SIK3: variants seen among roughly 807,000 people sequenced by gnomAD.
SIK3 encodes SIK family kinase 3, also known as serine/threonine-protein kinase SIK3.
SIK3 carries 28 observed loss-of-function variants against 144.2 expected under a neutral mutation model. The ratio of observed to expected loss-of-function variants is 0.19; its 90% CI spans 0.14 to 0.27. SIK3 has a LOEUF of 0.27. Among genes scored for constraint, SIK3 ranks in the 10% least tolerant of loss-of-function variants. The probability of loss-of-function intolerance (pLI) is 1.00; values close to 1 mark genes in which losing one functional copy is unlikely to be tolerated. For synonymous variants in SIK3, 686 were observed against 676.3 expected, an observed-to-expected ratio of 1.01 and a Z score of -0.22; for missense variants, 1,319 against 1,776.0, an observed-to-expected ratio of 0.74 and a Z score of 4.62.
chr11:117,064,656 T>C, intron 1 of SIK3, among the ~76,000 whole-genome samples: 1 of 152,220 alleles, frequency 6.6e-6, no homozygotes. Flanking sequence ...ACGGCTGCTT[T>C]TTAAAAAGGC....
chr11:117,058,439 GA>G (rs1382616250), intron 1 of SIK3, among the ~76,000 whole-genome samples: 3 of 149,992 alleles, frequency 2.0e-5, no homozygotes, highest in African/African-American at 7.4e-5. Flanking sequence ...AGAATCGCTT[GA>G]ACCCAGGAGG....
At chr11:116,949,531 T>C (rs924619640) in intron 3 of SIK3, among the ~76,000 whole-genome samples, 2 of 152,234 alleles carry the variant, frequency 1.3e-5, no homozygotes, top group Admixed American at 6.5e-5. Flanking sequence ...TGTTTTTATT[T>C]AAGACAGGGT....
intron 1 of SIK3, among the ~76,000 whole-genome samples, chr11:117,083,849 C>T (rs10892071): frequency 0.39 from 59,691 of 152,040 alleles, 14,871 homozygotes; most frequent in African/African-American, 0.71. Context: ...ACTTGTTCCA[C>T]AGAACACTAC....
At chr11:116,902,451 C>T (rs1395468150) in intron 4 of SIK3, among the ~76,000 whole-genome samples, 1 of 152,176 alleles carries the variant, frequency 6.6e-6, no homozygotes, top group Non-Finnish European at 1.5e-5. Flanking sequence ...CAGGCTTAGA[C>T]TGCTAATAGT....
intron 13 of SIK3, 139 bp downstream of exon 13, chr11:116,873,342 A>C (rs1294108855): frequency 8.6e-7 from 1 of 1,157,352 alleles, no homozygotes; most frequent in Non-Finnish European, 1.2e-6. Context: ...GGCCTGAAGA[A>C]AATGGGCTGG....
At position 116,957,029 on chromosome 11, in the gene SIK3, A is replaced by G. The variant is rs140321801; in HGVS notation, c.309T>C (p.Asp103=). The change falls in exon 2 of 25, where the codon GAT becomes GAC. Residue 103 remains aspartate (D), a synonymous_variant. Coordinates refer to ENST00000445177, the MANE Select transcript of SIK3 (RefSeq NM_001366686.3). Reference sequence around the variant, plus strand: ...GGAAAATCTTCTTCAAGTTTTCTTCATCCAGCTGGGTCTTATCTATGATCT... The same window carrying G: ...GGAAAATCTTCTTCAAGTTTTCTTCGTCCAGCTGGGTCTTATCTATGATCT... ...AIKIIDKTQL[D]EENLKKIFRE... 24 of 1,610,972 alleles carry G rather than the reference A, an allele frequency of 1.5e-5. No homozygotes were observed. The highest frequency in any genetic ancestry group is 2.7e-5 in the African/African-American group (2 of 74,810).
chr11:116,920,284 C>T (rs1273837047), intron 4 of SIK3, among the ~76,000 whole-genome samples: 2 of 152,032 alleles, frequency 1.3e-5, no homozygotes, highest in Non-Finnish European at 2.9e-5. Flanking sequence ...TTTGCCATCT[C>T]TCTCACCCCA....
chr11:117,048,959 G>A (rs912795099), intron 1 of SIK3, among the ~76,000 whole-genome samples: 4 of 151,944 alleles, frequency 2.6e-5, no homozygotes, highest in Admixed American at 2.6e-4. Flanking sequence ...AAATTAGCTG[G>A]GCGTGGTGGC....
At chr11:116,906,293 C>T (rs1399332687) in intron 4 of SIK3, among the ~76,000 whole-genome samples, 1 of 151,894 alleles carries the variant, frequency 6.6e-6, no homozygotes, top group Non-Finnish European at 1.5e-5. Flanking sequence ...GAATATGGCC[C>T]TGAGCAGATG....
intron 1 of SIK3, among the ~76,000 whole-genome samples, chr11:116,988,176 A>G (rs2135545654): frequency 6.6e-6 from 1 of 152,058 alleles, no homozygotes; most frequent in South Asian, 2.1e-4. Context: ...GTGGATCACA[A>G]GGAGATTGAG....
intron 1 of SIK3, among the ~76,000 whole-genome samples, chr11:116,974,054 C>T (rs1262788626): frequency 6.6e-6 from 1 of 152,130 alleles, no homozygotes; most frequent in Non-Finnish European, 1.5e-5. Flanking sequence ...TTAATTATGA[C>T]AAATGTATCA....
chr11:116,899,526 T>C (rs1945629857), intron 4 of SIK3, among the ~76,000 whole-genome samples: 2 of 152,206 alleles, frequency 1.3e-5, no homozygotes, highest in South Asian at 4.1e-4. Context: ...TATAATTAAG[T>C]AGTTTATTCA....
intron 3 of SIK3, among the ~76,000 whole-genome samples, chr11:116,929,517 T>TCC (rs10646205): frequency 0.073 from 11,124 of 152,248 alleles, 724 homozygotes; most frequent in African/African-American, 0.18. Context: ...TACCTTGTTT[T>TCC]CCTAAAGTGA....
intron 1 of SIK3, among the ~76,000 whole-genome samples, chr11:117,091,000 G>C (rs1955218280): frequency 6.6e-6 from 1 of 152,150 alleles, no homozygotes; most frequent in Non-Finnish European, 1.5e-5. Flanking sequence ...CAGAAGGCAA[G>C]GGCACTGTTT....
chr11:116,917,745 G>C (rs1010992080), intron 4 of SIK3, among the ~76,000 whole-genome samples: 2 of 150,422 alleles, frequency 1.3e-5, no homozygotes, highest in Admixed American at 1.3e-4. Context: ...GAGAGAGAGA[G>C]AGAGAGGAAA....
intron 4 of SIK3, among the ~76,000 whole-genome samples, chr11:116,922,369 T>G (rs1167450198): frequency 6.6e-6 from 1 of 152,120 alleles, no homozygotes; most frequent in African/African-American, 2.4e-5. Context: ...AACATGCCTG[T>G]AGTCCCAGCT....
At chr11:116,861,959 T>C (rs373556417) in intron 17 of SIK3, 33 bp from the exon 18 acceptor site, 10 of 1,487,240 alleles carry the variant, frequency 6.7e-6, no homozygotes, top group African/African-American at 5.5e-5. Context: ...AAAAAAATTA[T>C]TGTGAGCTTG....
intron 4 of SIK3, among the ~76,000 whole-genome samples, chr11:116,912,181 T>G (rs896182785): frequency 6.6e-6 from 1 of 152,236 alleles, no homozygotes; most frequent in Non-Finnish European, 1.5e-5. Flanking sequence ...AGACTTTAAT[T>G]TGAACCATAT....
chr11:116,872,960 G>A (rs1944042698), intron 13 of SIK3, among the ~76,000 whole-genome samples: 1 of 152,254 alleles, frequency 6.6e-6, no homozygotes. Flanking sequence ...ACTATCATAT[G>A]AAGGACATGT....
Sources: allele counts gnomAD v4.1 joint callset (sites outside exome capture counted in the v4.1 genomes callset), GRCh38; gene constraint gnomAD v4.1.1; transcripts MANE v1.5; gene names NCBI Gene and HGNC (gene_info 2026-07-23, HGNC 2026-07-21).